Variants in ERBB4 observed in about 807,000 individuals in gnomAD.
The protein encoded by ERBB4 is receptor tyrosine-protein kinase erbB-4.
ERBB4 carries 42 observed loss-of-function variants against 158.0 expected under a neutral mutation model. That is an observed-to-expected ratio of 0.27 (90% confidence interval 0.21 to 0.34). The LOEUF (loss-of-function observed/expected upper bound fraction) is 0.34. Among genes scored for constraint, ERBB4 ranks in the 10% least tolerant of loss-of-function variants. The pLI is 1.00. For missense variants in ERBB4, 1,333 were observed against 1,624.1 expected (o/e 0.82, Z 3.08); for synonymous variants, 583 against 558.7 (o/e 1.04, Z -0.61).
At chr2:211,569,712 T>C (rs572935684) in intron 19 of ERBB4, among the ~76,000 whole-genome samples, 3 of 152,278 alleles carry the variant, frequency 2.0e-5, no homozygotes, top group African/African-American at 4.8e-5. Flanking sequence ...TTTTGGAAGG[T>C]CTGAGAAGGC....
Position 211,775,041 on chromosome 2 carries a change from C to T in ERBB4, c.556+12984G>A, listed in dbSNP as rs527386965. On this transcript the variant is annotated intron_variant, in intron 4 of 27. Coordinates refer to ENST00000342788, the MANE Select transcript of ERBB4 (RefSeq NM_005235.3). ...AACTGTGGTGCTAATAATTTTTACTCTCTGTAGGAAGGTTGTTTCCTAAGG... is the reference window on the plus strand; with the variant it reads ...AACTGTGGTGCTAATAATTTTTACTTTCTGTAGGAAGGTTGTTTCCTAAGG... Among the ~76,000 whole-genome samples, 7 of 152,288 alleles carry T rather than the reference C, an allele frequency of 4.6e-5. No homozygotes were observed. In the South Asian group the frequency reaches 1.5e-3, roughly 32 times the overall value.
intron 2 of ERBB4, among the ~76,000 whole-genome samples, chr2:211,999,566 C>A (rs1351568007): frequency 6.6e-6 from 1 of 151,730 alleles, no homozygotes; most frequent in Non-Finnish European, 1.5e-5. Context: ...AATTAATTAA[C>A]TAAACATAAA....
intron 3 of ERBB4, among the ~76,000 whole-genome samples, chr2:211,866,624 A>AAC (rs746422020): frequency 5.3e-5 from 8 of 152,186 alleles, no homozygotes; most frequent in Non-Finnish European, 1.2e-4. Flanking sequence ...CAATTATATA[A>AAC]ATGAAGATTT....
At chr2:211,699,620 A>G (rs567336631) in intron 12 of ERBB4, among the ~76,000 whole-genome samples, 29 of 152,274 alleles carry the variant, frequency 1.9e-4, no homozygotes, top group African/African-American at 7.0e-4. Context: ...GCTTGATACT[A>G]TAGCACCACA....
chr2:212,089,187 T>C (rs2125488181), intron 2 of ERBB4, among the ~76,000 whole-genome samples: 1 of 152,260 alleles, frequency 6.6e-6, no homozygotes, highest in East Asian at 1.9e-4. Flanking sequence ...TTAAAATAGC[T>C]TTATTTTTTA....
rs1299930534 is a variant in ERBB4, at chr2:211,673,227, G to T, written c.1653C>A (p.Ile551=). 1 of 1,613,762 alleles carries T rather than the reference G, an allele frequency of 6.2e-7. No individual in the cohort carries two copies. The highest frequency in any genetic ancestry group is 8.5e-7 in the Non-Finnish European group (1 of 1,179,756). Residue 551 remains isoleucine (I), a synonymous_variant, in exon 14 of 28, where the codon ATC becomes ATA. Coordinates refer to ENST00000342788, the MANE Select transcript of ERBB4 (RefSeq NM_005235.3). ...CACACTGGGGGTCACACTCCACACA[G>T]ATGGAGCCATTCTCAAACTCCCGAA... ...GEFREFENGS[I]CVECDPQCEK...
At chr2:212,161,864 A>G (rs1171914596) in intron 1 of ERBB4, among the ~76,000 whole-genome samples, 1 of 151,894 alleles carries the variant, frequency 6.6e-6, no homozygotes, top group East Asian at 1.9e-4. Flanking sequence ...AATTTTTATC[A>G]TAACATATAT....
At chr2:211,708,805 T>C (rs1009056332) in intron 9 of ERBB4, among the ~76,000 whole-genome samples, 16 of 152,224 alleles carry the variant, frequency 1.1e-4, no homozygotes, top group Admixed American at 8.5e-4. Context: ...AATCCATTTC[T>C]CAAGTTTTTT....
chr2:212,082,719 G>A (rs569734936), intron 2 of ERBB4, among the ~76,000 whole-genome samples: 31 of 152,086 alleles, frequency 2.0e-4, no homozygotes, highest in African/African-American at 7.2e-4. Flanking sequence ...AAAGGGTTAG[G>A]AAAAAGCATG....
chr2:212,477,073 G>A (rs1025181737), intron 1 of ERBB4, among the ~76,000 whole-genome samples: 2 of 152,112 alleles, frequency 1.3e-5, no homozygotes, highest in African/African-American at 4.8e-5. Context: ...TAAATGAAAT[G>A]ATCTATGTGA....
chr2:212,390,699 A>C (rs2090829590), intron 1 of ERBB4, among the ~76,000 whole-genome samples: 1 of 151,552 alleles, frequency 6.6e-6, no homozygotes, highest in East Asian at 1.9e-4. Flanking sequence ...TCTCCAGGAC[A>C]CTCCTCAAAA....
intron 12 of ERBB4, among the ~76,000 whole-genome samples, chr2:211,690,271 T>C (rs1449400319): frequency 6.6e-6 from 1 of 152,042 alleles, no homozygotes. Flanking sequence ...CATATCACGT[T>C]ATTTACTTTC....
intron 5 of ERBB4, among the ~76,000 whole-genome samples, chr2:211,738,631 C>A: frequency 6.9e-6 from 1 of 144,044 alleles, no homozygotes; most frequent in Non-Finnish European, 1.5e-5. Flanking sequence ...CTTGGCCTCC[C>A]AGAGTGCTGC....
At chr2:211,877,163 G>T (rs1051133667) in intron 3 of ERBB4, among the ~76,000 whole-genome samples, 1 of 152,188 alleles carries the variant, frequency 6.6e-6, no homozygotes, top group African/African-American at 2.4e-5. Context: ...TTAAGAAAAG[G>T]TATATGTATT....
At chr2:212,313,247 C>G (rs2087126098) in intron 1 of ERBB4, among the ~76,000 whole-genome samples, 1 of 150,772 alleles carries the variant, frequency 6.6e-6, no homozygotes, top group Admixed American at 6.6e-5. Context: ...AGCCAATAAA[C>G]ATTCCAGAGA....
At chr2:212,519,425 T>C (rs1692023995) in intron 1 of ERBB4, among the ~76,000 whole-genome samples, 1 of 151,920 alleles carries the variant, frequency 6.6e-6, no homozygotes, top group African/African-American at 2.4e-5. Context: ...AATGTATTGA[T>C]GGCTACAGTG....
intron 1 of ERBB4, among the ~76,000 whole-genome samples, chr2:212,467,711 C>T (rs1264263437): frequency 2.0e-5 from 3 of 152,150 alleles, no homozygotes; most frequent in Non-Finnish European, 4.4e-5. Context: ...GGGTGGAATC[C>T]TCCACACACA....
At chr2:211,924,351 T>C (rs996506707) in intron 3 of ERBB4, among the ~76,000 whole-genome samples, 1 of 152,176 alleles carries the variant, frequency 6.6e-6, no homozygotes, top group African/African-American at 2.4e-5. Flanking sequence ...TAGATATTAA[T>C]ACTACCTATT....
intron 20 of ERBB4, among the ~76,000 whole-genome samples, chr2:211,467,194 C>T (rs373110941): frequency 1.3e-5 from 2 of 152,008 alleles, no homozygotes; most frequent in East Asian, 3.9e-4. Context: ...GAGCAAGTGC[C>T]AACAATTCTG....
Sources: allele counts gnomAD v4.1 joint callset (sites outside exome capture counted in the v4.1 genomes callset), GRCh38; gene constraint gnomAD v4.1.1; transcripts MANE v1.5; gene names NCBI Gene and HGNC (gene_info 2026-07-23, HGNC 2026-07-21).